TREM2: variants seen among roughly 807,000 people sequenced by gnomAD.
TREM2 encodes the protein triggering receptor expressed on monocytes 2.
TREM2 carries 20 observed loss-of-function variants against 22.9 expected under a neutral mutation model. The observed-to-expected ratio is 0.87, with a 90% CI of 0.61 to 1.27. TREM2 has a LOEUF of 1.27. Among genes scored for constraint, TREM2 ranks in the 50% most tolerant of loss-of-function variants. The pLI, the probability that TREM2 is intolerant of heterozygous loss-of-function variation, is 0.00. For missense variants in TREM2, 267 were observed against 289.0 expected (o/e 0.92, Z 0.55); for synonymous variants, 111 against 120.9 (o/e 0.92, Z 0.54).
intron 2 of TREM2, 44 bp downstream of exon 2, chr6:41,161,219 C>A (rs1326827113): frequency 2.5e-6 from 4 of 1,583,460 alleles, no homozygotes; most frequent in South Asian, 1.1e-5. Context: ...AAACATGAGG[C>A]CTGGAACAGG....
At position 41,159,004 on chromosome 6, in the gene TREM2, A is replaced by C. The variant is rs1765489997; in HGVS notation, c.545T>G (p.Ile182Ser). 12 of 1,614,064 alleles carry C rather than the reference A, an allele frequency of 7.4e-6. No individual in the cohort carries two copies. The highest frequency in any genetic ancestry group is 1.0e-5 in the Non-Finnish European group (12 of 1,180,030). The change falls in exon 4 of 5, where the codon ATC becomes AGC. Residue 182 changes from isoleucine (I) to serine (S), a missense_variant. Transcript: ENST00000373113. Reference sequence around the variant, plus strand: ...GGCTGCTAGAATCTTGATGAGAAAGATGCAGGCCAGGAGGAGAAGGATGGA... The same window carrying C: ...GGCTGCTAGAATCTTGATGAGAAAGCTGCAGGCCAGGAGGAGAAGGATGGA... The part of the protein sequence containing the change: ...PTSILLLLAC[I>S]FLIKILAASA...
chr6:41,161,975 G>A (rs549381797), intron 1 of TREM2, among the ~76,000 whole-genome samples: 7 of 152,306 alleles, frequency 4.6e-5, no homozygotes, highest in East Asian at 3.9e-4. Context: ...TCCCTGCCCC[G>A]CCACTCTTGC....
chr6:41,158,733 TCTC>T lies in TREM2; in HGVS notation c.*28_*30del. 2 of 1,614,166 alleles carry T rather than the reference TCTC, an allele frequency of 1.2e-6. No homozygotes were observed. The highest frequency in any genetic ancestry group is 1.7e-6 in the Non-Finnish European group (2 of 1,180,034). On this transcript the variant is annotated 3_prime_UTR_variant, in exon 5 of 5. Transcript: ENST00000373113. ...GGCTGGGCTGGTCCCTGGTGGGACTTCTCCTGGGCTTTTCCTCCCATCATCTTC... is the reference window on the plus strand; with the variant it reads ...GGCTGGGCTGGTCCCTGGTGGGACTTCTGGGCTTTTCCTCCCATCATCTTC...
chr6:41,161,225 A>G, intron 2 of TREM2, 38 bp downstream of exon 2: 1 of 1,589,128 alleles, frequency 6.3e-7, no homozygotes, highest in Non-Finnish European at 8.6e-7. Context: ...GAGGCCTGGA[A>G]CAGGGGCAGG....
chr6:41,161,558 C>A lies in TREM2; in HGVS notation c.96G>T (p.Leu32=). 6.2e-7 allele frequency: 1 copy of A among 1,614,140 alleles called. No individual in the cohort carries two copies. Among genetic ancestry groups the A allele is most frequent in the Non-Finnish European group, 8.5e-7 (1 of 1,180,018 alleles). ...TVFQGVAGQS[L]QVSCPYDSMK... is the part of the protein sequence containing the mutation. ...TGGAGTCATAGGGGCAAGACACCTG[C>A]AGGGACTGGCCCGCCACGCCCTGGA... Residue 32 remains leucine (L), a synonymous_variant, in exon 2 of 5, where the codon CTG becomes CTT. Coordinates refer to ENST00000373113, the MANE Select transcript of TREM2 (RefSeq NM_018965.4).
At chr6:41,162,925 C>T (rs978077884) in intron 1 of TREM2, 118 bp downstream of exon 1, 2 of 1,341,322 alleles carry the variant, frequency 1.5e-6, no homozygotes, top group Non-Finnish European at 2.1e-6. Flanking sequence ...ACAGGGCACT[C>T]AGGCATGCGA....
Position 41,158,593 on chromosome 6 carries a change from C to A in TREM2, c.*171G>T. ...AAGTTGTCAGGTGTTCTTACCACCT[C>A]CCCACTCCCTCAACCAGTCCCTGCT... On this transcript the variant is annotated 3_prime_UTR_variant, in exon 5 of 5. Transcript: ENST00000373113. 6.4e-7 allele frequency: 1 copy of A among 1,557,652 alleles called. No homozygotes were observed. The highest frequency in any genetic ancestry group is 8.7e-7 in the Non-Finnish European group (1 of 1,149,690).
rs762052858 is a variant in TREM2 at position 41,159,882 on chromosome 6, T to C, written c.392A>G (p.Asp131Gly). ...LRKVLVEVLA[D>G]PLDHRDAGDL... ...TCCAGCATCCCGGTGATCCAGGGGG[T>C]CTATGGGAGGCAGAGCCATGAGCCT... is the stretch of plus-strand genomic sequence containing the variant. Residue 131 changes from aspartate (D) to glycine (G), a missense_variant and splice_region_variant, in exon 3 of 5, where the codon GAC becomes GGC. Coordinates refer to ENST00000373113, the MANE Select transcript of TREM2 (RefSeq NM_018965.4). 5.6e-5 allele frequency: 90 copies of C among 1,613,138 alleles called. No homozygotes were observed. Among genetic ancestry groups the C allele is most frequent in the Non-Finnish European group, 6.9e-5 (81 of 1,179,784 alleles).
chr6:41,158,616 G>A lies in TREM2; in HGVS notation c.*148C>T, dbSNP rs761884997. The A allele has an allele frequency of 4.7e-5, 74 of 1,574,602 alleles. 1 individual carries two copies. Among genetic ancestry groups the A allele is most frequent in the Middle Eastern group, 1.7e-4 (1 of 6,034 alleles). ...CTCCCCACTCCCTCAACCAGTCCCT[G>A]CTTCCAGGGTCCAGGAGAAGCAGTG... On this transcript the variant is annotated 3_prime_UTR_variant, in exon 5 of 5. Coordinates refer to ENST00000373113, the MANE Select transcript of TREM2 (RefSeq NM_018965.4).
rs145658858 is a variant in TREM2 at position 41,163,030 on chromosome 6, G to A, written c.40+13C>T. The A allele has an allele frequency of 1.8e-4, 289 of 1,614,156 alleles. No homozygotes were observed. Among genetic ancestry groups the A allele is most frequent in the Middle Eastern group, 1.5e-3 (9 of 6,062 alleles). ...GGGAGAGAAGGCATCACAGGGCACGGAGGGGATCCTACCTGTGACAAAGAG... is the reference window on the plus strand; with the variant it reads ...GGGAGAGAAGGCATCACAGGGCACGAAGGGGATCCTACCTGTGACAAAGAG... On this transcript the variant is annotated intron_variant, in intron 1 of 4. Coordinates refer to ENST00000373113, the MANE Select transcript of TREM2 (RefSeq NM_018965.4).
chr6:41,161,377 G>C lies in TREM2; in HGVS notation c.277C>G (p.Leu93Val), dbSNP rs914179215. Residue 93 changes from leucine to valine, a missense_variant, in exon 2 of 5, where the codon CTC becomes GTC. Leu to Val is a conservative substitution (Grantham distance 32). Coordinates refer to ENST00000373113, the MANE Select transcript of TREM2 (RefSeq NM_018965.4). The stretch of plus-strand genomic sequence containing the variant: ...TGTAGATTCCGCAGCGTAATGGTGA[G>C]AGTGCCACCCAGGGTATCGTCTGTG... ...AITDDTLGGTLTITLRNLQPH... is the reference protein window; with the variant it reads ...AITDDTLGGTVTITLRNLQPH... 5 of 1,614,254 alleles carry C rather than the reference G, an allele frequency of 3.1e-6. No homozygotes were observed. The highest frequency in any genetic ancestry group is 4.2e-6 in the Non-Finnish European group (5 of 1,180,038).
In TREM2 at chr6:41,158,883, T is replaced by C. The variant is rs1765486204; in HGVS notation, c.666A>G (p.Gln222=). 2 of 1,614,250 alleles carry C rather than the reference T, an allele frequency of 1.2e-6. No individual in the cohort carries two copies. Among genetic ancestry groups the C allele is most frequent in the African/African-American group, 1.3e-5 (1 of 75,060 alleles). ...DCGHDPGYQL[Q]TLPGLRDT is the part of the protein sequence containing the mutation. ...GCTCTCCAAGCCCACCTGGCAGAGT[T>C]TGGAGCTGATACCCTGGGTCATGGC... Residue 222 remains glutamine, a synonymous_variant, in exon 4 of 5, where the codon CAA becomes CAG. Coordinates refer to ENST00000373113, the MANE Select transcript of TREM2 (RefSeq NM_018965.4).
At position 41,159,875 on chromosome 6, in the gene TREM2, CA is replaced by C. The variant is rs1201257196; in HGVS notation, c.398del (p.Leu133ArgfsTer56). 1 of 1,613,666 alleles carries C rather than the reference CA, an allele frequency of 6.2e-7. No homozygotes were observed. Among genetic ancestry groups the C allele is most frequent in the Non-Finnish European group, 8.5e-7 (1 of 1,179,940 alleles). On this transcript the variant is annotated frameshift_variant, in exon 3 of 5. Transcript: ENST00000373113. LOFTEE classifies it high-confidence loss of function. ...AGAGATCTCCAGCATCCCGGTGATC[CA>C]GGGGGTCTATGGGAGGCAGAGCCAT... The part of the protein sequence containing the change: ...KVLVEVLADP[L>X]DHRDAGDLWF...
rs757209611 is a variant in TREM2, at chr6:41,161,311, C to T, written c.343G>A (p.Gly115Ser). ...AGLYQCQSLH[G>S]SEADTLRKVL... ...TTCCTGAGGGTGTCAGCCTCACTGC[C>T]ATGGAGGCTCTGGCACTGGTAGAGA... is the stretch of plus-strand genomic sequence containing the variant. Residue 115 changes from glycine to serine, a missense_variant, in exon 2 of 5, where the codon GGC (glycine) becomes AGC (serine). Physicochemically the swap from Gly to Ser is moderately conservative, Grantham distance 56. Coordinates refer to ENST00000373113, the MANE Select transcript of TREM2 (RefSeq NM_018965.4). 1 of 1,614,240 alleles carries T rather than the reference C, an allele frequency of 6.2e-7. No individual in the cohort carries two copies. The highest frequency in any genetic ancestry group is 1.1e-5 in the South Asian group (1 of 91,086).
intron 1 of TREM2, among the ~76,000 whole-genome samples, chr6:41,162,046 A>G (rs1269054506): frequency 6.6e-6 from 1 of 151,684 alleles, no homozygotes; most frequent in East Asian, 1.9e-4. Flanking sequence ...CAGCTTCCCT[A>G]TTTCTGTGGC....
chr6:41,158,778 G>GT lies in TREM2; in HGVS notation c.678_679insA (p.Leu227ThrfsTer59). 6.2e-7 allele frequency: 1 copy of GT among 1,614,196 alleles called. No individual in the cohort carries two copies. Among genetic ancestry groups the GT allele is most frequent in the East Asian group, 2.2e-5 (1 of 44,878 alleles). On this transcript the variant is annotated frameshift_variant and splice_region_variant, in exon 5 of 5. Transcript: ENST00000373113. LOFTEE classifies it high-confidence loss of function. ...ATCATCTTCCTTCACGTGTCTCTCAGCCCTGCAATAGTCCAAGGACTCATG... is the reference window on the plus strand; with the variant it reads ...ATCATCTTCCTTCACGTGTCTCTCAGTCCCTGCAATAGTCCAAGGACTCATG...
In TREM2 at chr6:41,159,815, G is replaced by A; in HGVS notation, c.459C>T (p.Ala153=). 6.2e-7 allele frequency: 1 copy of A among 1,614,080 alleles called. No individual in the cohort carries two copies. The highest frequency in any genetic ancestry group is 8.5e-7 in the Non-Finnish European group (1 of 1,179,980). ...FPGESESFED[A]HVEHSISRSL... is the part of the protein sequence containing the mutation. Reference sequence around the variant, plus strand: ...ACCTGGAGATGCTGTGCTCCACATGGGCATCCTCGAAGCTCTCAGACTCCC... The same window carrying A: ...ACCTGGAGATGCTGTGCTCCACATGAGCATCCTCGAAGCTCTCAGACTCCC... The change falls in exon 3 of 5, where the codon GCC becomes GCT. Residue 153 remains alanine, a synonymous_variant. Transcript: ENST00000373113.
intron 1 of TREM2, among the ~76,000 whole-genome samples, chr6:41,162,570 A>T (rs1016769736): frequency 6.6e-6 from 1 of 152,188 alleles, no homozygotes; most frequent in African/African-American, 2.4e-5. Flanking sequence ...CTCACCTCCC[A>T]TCAAGAGCTG....
Position 41,162,933 on chromosome 6 carries a change from C to T in TREM2, c.40+110G>A, listed in dbSNP as rs1174306416. On this transcript the variant is annotated intron_variant, in intron 1 of 4. Transcript: ENST00000373113. ...GTGCAGAACAGGGCACTCAGGCATG[C>T]GAGGACTGCCACCGCCTTCATAATT... 11 of 1,442,720 alleles carry T rather than the reference C, an allele frequency of 7.6e-6. No homozygotes were observed. The Admixed American group carries it at 8.6e-5, about 11-fold the overall frequency. The allele number at this position is 1,442,720 out of a possible 1,614,324, so 89.4% of individuals were successfully genotyped here.
Sources: gnomAD v4.1 joint callset for allele counts (sites outside exome capture counted in the v4.1 genomes callset) on GRCh38, gnomAD v4.1.1 for gene constraint, MANE v1.5 for transcripts, NCBI Gene and HGNC (gene_info 2026-07-23, HGNC 2026-07-21) for gene names.